The following MICAL2 variants were observed in gnomAD, a reference collection of about 807,000 sequenced individuals.
MICAL2 encodes the protein microtubule associated monooxygenase, calponin and LIM domain containing 2.
A neutral mutation model predicts 127.3 loss-of-function variants in MICAL2; 77 were observed. The ratio of observed to expected loss-of-function variants is 0.60; its 90% confidence interval spans 0.50 to 0.73. The LOEUF is 0.73. MICAL2 is among the 30% of genes least tolerant of loss of function. The pLI is 0.00. For synonymous variants in MICAL2, 570 were observed against 551.1 expected, an observed-to-expected ratio of 1.03 and a Z score of -0.48; for missense variants, 1,351 against 1,434.4, an observed-to-expected ratio of 0.94 and a Z score of 0.94.
intron 26 of MICAL2, chr11:12,260,911 C>T (rs1863029835): frequency 2.0e-6 from 2 of 985,492 alleles, no homozygotes; most frequent in Non-Finnish European, 2.4e-6. Context: ...CATGCATTTT[C>T]CCTTCCCACT....
intron 6 of MICAL2, among the ~76,000 whole-genome samples, chr11:12,211,656 A>T (rs1027294561): frequency 1.9e-4 from 29 of 152,208 alleles, no homozygotes; most frequent in African/African-American, 7.0e-4. Flanking sequence ...ACACTGTTGA[A>T]AAGTGGCCAT....
At chr11:12,212,942 T>G (rs767775146) in intron 6 of MICAL2, among the ~76,000 whole-genome samples, 1 of 152,198 alleles carries the variant, frequency 6.6e-6, no homozygotes, top group Non-Finnish European at 1.5e-5. Flanking sequence ...CTCTCATGAG[T>G]GTATCTAGCA....
intron 29 of MICAL2, among the ~76,000 whole-genome samples, chr11:12,318,492 C>T (rs773319193): frequency 1.3e-5 from 2 of 152,166 alleles, no homozygotes; most frequent in Non-Finnish European, 2.9e-5. Flanking sequence ...GGCTAAAGCA[C>T]CCTTATTTTG....
chr11:12,182,638 T>C (rs951446354), intron 3 of MICAL2, among the ~76,000 whole-genome samples: 1 of 152,208 alleles, frequency 6.6e-6, no homozygotes, highest in Admixed American at 6.5e-5. Context: ...ACTGTGATTC[T>C]ACGTTTTTCC....
At chr11:12,138,219 C>A (rs1852008114) in intron 1 of MICAL2, among the ~76,000 whole-genome samples, 171 bp from the exon 2 acceptor site, 1 of 152,146 alleles carries the variant, frequency 6.6e-6, no homozygotes, top group Middle Eastern at 3.2e-3. Context: ...TCTTCACGTG[C>A]AAAACTTGTT....
At chr11:12,215,085 T>A (rs1855972494) in intron 7 of MICAL2, among the ~76,000 whole-genome samples, 1 of 152,242 alleles carries the variant, frequency 6.6e-6, no homozygotes, top group Non-Finnish European at 1.5e-5. Context: ...TCCTTTTGAA[T>A]GCTTTGAGAA....
chr11:12,237,497 C>T (rs1356827154), intron 16 of MICAL2, among the ~76,000 whole-genome samples: 3 of 152,154 alleles, frequency 2.0e-5, no homozygotes, highest in Admixed American at 1.3e-4. Context: ...AAGAAGCTTC[C>T]CTTGGGTACA....
chr11:12,176,101 G>A (rs1169240912), intron 3 of MICAL2, among the ~76,000 whole-genome samples: 2 of 152,202 alleles, frequency 1.3e-5, no homozygotes, highest in Non-Finnish European at 2.9e-5. Context: ...CCTAAGGAAT[G>A]TATTACATCC....
intron 30 of MICAL2, among the ~76,000 whole-genome samples, chr11:12,323,187 C>G (rs1249368988): frequency 6.6e-6 from 1 of 152,166 alleles, no homozygotes; most frequent in Admixed American, 6.5e-5. Context: ...CTATCAAGAT[C>G]TAGACTTCTA....
chr11:12,128,608 T>A (rs1325553894), intron 1 of MICAL2, among the ~76,000 whole-genome samples: 1 of 152,108 alleles, frequency 6.6e-6, no homozygotes, highest in Non-Finnish European at 1.5e-5. Context: ...CGGGGCAGTG[T>A]GAATGTAGTG....
chr11:12,127,176 G>A (rs577980473), intron 1 of MICAL2, among the ~76,000 whole-genome samples: 22 of 152,316 alleles, frequency 1.4e-4, no homozygotes, highest in African/African-American at 5.3e-4. Context: ...TAAATCTCAG[G>A]AAGATAGGCA....
chr11:12,164,149 T>C (rs1855187909), intron 3 of MICAL2, among the ~76,000 whole-genome samples: 1 of 151,998 alleles, frequency 6.6e-6, no homozygotes, highest in Admixed American at 6.6e-5. Flanking sequence ...CAGCCTCTAT[T>C]TTACAAGCTT....
At chr11:12,361,181 A>C (rs1939199564), downstream of MICAL2, among the ~76,000 whole-genome samples, 1 of 152,210 alleles carries the variant, frequency 6.6e-6, no homozygotes, top group Admixed American at 6.5e-5. Flanking sequence ...ACAGCTTCTA[A>C]GTTAAATCAA....
intron 1 of MICAL2, among the ~76,000 whole-genome samples, chr11:12,280,562 C>T (rs575169999): frequency 6.6e-6 from 1 of 152,288 alleles, no homozygotes; most frequent in East Asian, 1.9e-4. Flanking sequence ...TTGTAGATGG[C>T]ATCTTCCTGT....
chr11:12,345,852 C>T (rs1409543901), intron 32 of MICAL2, among the ~76,000 whole-genome samples: 1 of 152,156 alleles, frequency 6.6e-6, no homozygotes, highest in Non-Finnish European at 1.5e-5. Flanking sequence ...ATTATAGACT[C>T]TCTTTAAGAT....
At chr11:12,276,940 G>T (rs1863727922) in intron 1 of MICAL2, among the ~76,000 whole-genome samples, 1 of 152,158 alleles carries the variant, frequency 6.6e-6, no homozygotes, top group South Asian at 2.1e-4. Context: ...GCCTTAGATT[G>T]GGTGGCCAGG....
chr11:12,130,830 C>T (rs563337947), intron 1 of MICAL2, among the ~76,000 whole-genome samples: 18 of 152,300 alleles, frequency 1.2e-4, no homozygotes, highest in African/African-American at 4.3e-4. Context: ...CAGAGCAGCA[C>T]AGACTGGGAA....
intron 32 of MICAL2, among the ~76,000 whole-genome samples, chr11:12,342,971 G>C (rs969439110): frequency 6.6e-6 from 1 of 152,178 alleles, no homozygotes; most frequent in African/African-American, 2.4e-5. Context: ...TTGGGGCGTG[G>C]TTGGAGTGGA....
rs55953671 is a variant in MICAL2 at position 12,174,560 on chromosome 11, C to T, written c.264+12141C>T. ...AATATTCTATCCTATGTATGTACTG[C>T]ATATGTTTATCCATTCATCCAGTGA... On this transcript the variant is annotated intron_variant, in intron 3 of 27. Coordinates refer to ENST00000683283, the MANE Select transcript of MICAL2 (RefSeq NM_001282663.2). Among the ~76,000 whole-genome samples the T allele has an allele frequency of 8.3e-3, 1,259 of 152,028 alleles. 10 individuals are homozygous for T. Among genetic ancestry groups the T allele is most frequent in the Non-Finnish European group, 0.012 (791 of 67,988 alleles).
Sources: gnomAD v4.1 joint callset for allele counts (sites outside exome capture counted in the v4.1 genomes callset) on GRCh38, gnomAD v4.1.1 for gene constraint, MANE v1.5 for transcripts, NCBI Gene and HGNC (gene_info 2026-07-23, HGNC 2026-07-21) for gene names.